The following GLCE variants were observed in gnomAD, a reference collection of about 807,000 sequenced individuals.
The protein encoded by GLCE is D-glucuronyl C5-epimerase.
In GLCE, 19 loss-of-function variants were observed where a neutral mutation model predicts 47.9. The ratio of observed to expected loss-of-function variants is 0.40; its 90% confidence interval spans 0.28 to 0.58. The LOEUF (loss-of-function observed/expected upper bound fraction) is 0.58, where lower values mean the gene tolerates loss of function less well. Ranked by LOEUF, GLCE falls within the 20% of genes least tolerant of loss-of-function variation. The probability of loss-of-function intolerance (pLI) is 0.48; values close to 1 mark genes in which losing one functional copy is unlikely to be tolerated. For synonymous variants in GLCE, 245 were observed against 263.4 expected, an observed-to-expected ratio of 0.93 and a Z score of 0.68; for missense variants, 556 against 743.3, an observed-to-expected ratio of 0.75 and a Z score of 2.93.
At position 69,242,695 on chromosome 15, in the gene GLCE, AT is replaced by A. The variant is rs149892765; in HGVS notation, c.-13-13092del. On this transcript the variant is annotated intron_variant, in intron 2 of 4. Coordinates refer to ENST00000261858, the MANE Select transcript of GLCE (RefSeq NM_015554.3). ...GTCAACATCTGTACTTCTTAAAATTATTTTTTTAAAGGTTCATCATATTATT... is the reference window on the plus strand; with the variant it reads ...GTCAACATCTGTACTTCTTAAAATTATTTTTTAAAGGTTCATCATATTATT... Among the ~76,000 whole-genome samples, 4 of 152,108 alleles carry A rather than the reference AT, an allele frequency of 2.6e-5. No homozygotes were observed. The East Asian group carries it at 5.8e-4, about 22-fold the overall frequency.
At position 69,260,735 on chromosome 15, in the gene GLCE, G is replaced by A. The variant is rs546788850; in HGVS notation, c.587-352G>A. The A allele has an allele frequency of 1.4e-4, 28 of 203,080 alleles. No individual in the cohort carries two copies. In the South Asian group the frequency reaches 2.3e-3, roughly 17 times the overall value. The allele number at this position is 203,080 out of a possible 1,614,324, so 12.6% of individuals were successfully genotyped here. On this transcript the variant is annotated intron_variant, in intron 3 of 4. Coordinates refer to ENST00000261858, the MANE Select transcript of GLCE (RefSeq NM_015554.3). ...AGAACTGTGGTGACATTAGCTATAC[G>A]CATCTAAATTGTGCAGAATTTGAAT...
intron 1 of GLCE, among the ~76,000 whole-genome samples, chr15:69,166,516 A>G (rs1160733956): frequency 1.3e-5 from 2 of 152,226 alleles, no homozygotes; most frequent in African/African-American, 4.8e-5. Flanking sequence ...CCTTTAGCAT[A>G]TGAGGAAGCA....
At chr15:69,266,460 A>C (rs934106171) in intron 4 of GLCE, among the ~76,000 whole-genome samples, 3 of 152,086 alleles carry the variant, frequency 2.0e-5, no homozygotes, top group African/African-American at 7.2e-5. Flanking sequence ...CCAAGTACCT[A>C]GGACTACACA....
chr15:69,256,978 T>C (rs1382967866), intron 3 of GLCE, among the ~76,000 whole-genome samples: 1 of 152,232 alleles, frequency 6.6e-6, no homozygotes, highest in Non-Finnish European at 1.5e-5. Context: ...CCAAATTGAA[T>C]TTGACTTTAA....
intron 1 of GLCE, among the ~76,000 whole-genome samples, chr15:69,188,294 T>G (rs961652630): frequency 6.6e-6 from 1 of 152,092 alleles, no homozygotes; most frequent in Non-Finnish European, 1.5e-5. Context: ...GTATTGTACT[T>G]TTTACATATT....
intron 1 of GLCE, among the ~76,000 whole-genome samples, chr15:69,188,941 A>G (rs2051873076): frequency 6.6e-6 from 1 of 152,194 alleles, no homozygotes; most frequent in Non-Finnish European, 1.5e-5. Context: ...GAAAATACAG[A>G]GTTCTTATAT....
chr15:69,218,127 G>A (rs918377121), intron 2 of GLCE, among the ~76,000 whole-genome samples: 10 of 148,534 alleles, frequency 6.7e-5, no homozygotes, highest in Non-Finnish European at 1.3e-4. Flanking sequence ...ACTCCATCCT[G>A]GGTGACAGAG....
intron 2 of GLCE, among the ~76,000 whole-genome samples, chr15:69,240,827 AG>A (rs1449476518): frequency 6.6e-6 from 1 of 152,186 alleles, no homozygotes; most frequent in African/African-American, 2.4e-5. Context: ...ATTGACATAA[AG>A]GATAGAGTAC....
At chr15:69,249,861 A>G (rs868601521) in intron 2 of GLCE, among the ~76,000 whole-genome samples, 4 of 152,292 alleles carry the variant, frequency 2.6e-5, no homozygotes, top group Middle Eastern at 6.8e-3. Context: ...AGAATAGAAC[A>G]ATTTGCTTTC....
chr15:69,239,606 C>T (rs2140416449), intron 2 of GLCE, among the ~76,000 whole-genome samples: 1 of 152,124 alleles, frequency 6.6e-6, no homozygotes, highest in Non-Finnish European at 1.5e-5. Context: ...TAGAGTGTAC[C>T]AGCATTGAAA....
intron 2 of GLCE, among the ~76,000 whole-genome samples, chr15:69,225,229 G>T (rs1198234180): frequency 6.6e-6 from 1 of 151,444 alleles, no homozygotes; most frequent in South Asian, 2.1e-4. Context: ...TATTTCATCT[G>T]CCCTACAGTT....
At position 69,256,141 on chromosome 15, in the gene GLCE, A is replaced by G. The variant is rs2052920635; in HGVS notation, c.335A>G (p.Asn112Ser). 1 of 1,614,028 alleles carries G rather than the reference A, an allele frequency of 6.2e-7. No individual in the cohort carries two copies. The highest frequency in any genetic ancestry group is 8.5e-7 in the Non-Finnish European group (1 of 1,179,874). ...TATGAAGAAATTGACTGTCTCATAAATGATGAACACACAATTAAAGGGAGA... is the reference window on the plus strand; with the variant it reads ...TATGAAGAAATTGACTGTCTCATAAGTGATGAACACACAATTAAAGGGAGA... The part of the protein sequence containing the change: ...LKYEEIDCLI[N>S]DEHTIKGRRE... The change falls in exon 3 of 5, where the codon AAT becomes AGT. Residue 112 changes from asparagine to serine, a missense_variant. By Grantham distance (46) the Asn-to-Ser change is conservative. Coordinates refer to ENST00000261858, the MANE Select transcript of GLCE (RefSeq NM_015554.3).
intron 1 of GLCE, among the ~76,000 whole-genome samples, chr15:69,207,157 C>T (rs2052163575): frequency 2.6e-5 from 4 of 152,070 alleles, no homozygotes; most frequent in Admixed American, 2.6e-4. Context: ...ATTTACCCTA[C>T]CCCCTTTAGT....
chr15:69,241,820 C>T (rs1269261080), intron 2 of GLCE, among the ~76,000 whole-genome samples: 2 of 152,086 alleles, frequency 1.3e-5, no homozygotes, highest in Non-Finnish European at 2.9e-5. Context: ...AATTCTAATG[C>T]CCAGTGAAAT....
intron 1 of GLCE, among the ~76,000 whole-genome samples, chr15:69,180,933 T>G (rs1701217253): frequency 6.6e-6 from 1 of 152,138 alleles, no homozygotes; most frequent in Non-Finnish European, 1.5e-5. Flanking sequence ...TGAAACCACC[T>G]AGGAGACTGT....
intron 1 of GLCE, among the ~76,000 whole-genome samples, chr15:69,206,093 C>A (rs774023797): frequency 6.6e-6 from 1 of 152,076 alleles, no homozygotes; most frequent in Admixed American, 6.6e-5. Context: ...TTATCTCTCC[C>A]TAAATCTCCT....
At chr15:69,206,926 T>C (rs758849901) in intron 1 of GLCE, among the ~76,000 whole-genome samples, 9 of 152,118 alleles carry the variant, frequency 5.9e-5, no homozygotes, top group Admixed American at 1.3e-4. Flanking sequence ...ATTGTTTCTG[T>C]ACCTATTTGT....
intron 4 of GLCE, among the ~76,000 whole-genome samples, chr15:69,265,400 G>T (rs184382516): frequency 4.3e-4 from 66 of 152,274 alleles, no homozygotes; most frequent in Middle Eastern, 3.4e-3. Flanking sequence ...CCTCGTGAAT[G>T]ATGCCAGGAG....
At chr15:69,265,580 T>G (rs2053074008) in intron 4 of GLCE, among the ~76,000 whole-genome samples, 1 of 152,224 alleles carries the variant, frequency 6.6e-6, no homozygotes, top group African/African-American at 2.4e-5. Flanking sequence ...CTTAGGAAAA[T>G]TAATACATTG....
Sources: allele counts gnomAD v4.1 joint callset (sites outside exome capture counted in the v4.1 genomes callset), GRCh38; gene constraint gnomAD v4.1.1; transcripts MANE v1.5; gene names NCBI Gene and HGNC (gene_info 2026-07-23, HGNC 2026-07-21).